Variants in RTKN2 observed in about 807,000 individuals in gnomAD.
RTKN2 encodes rhotekin 2, also known as rhotekin-2.
In RTKN2, 69 loss-of-function variants were observed where a neutral mutation model predicts 71.5. That is an observed-to-expected ratio of 0.96 (90% CI 0.79 to 1.18). The LOEUF (loss-of-function observed/expected upper bound fraction) is 1.18, where lower values mean the gene tolerates loss of function less well. RTKN2 is among the 50% of genes most tolerant of loss of function. The probability of loss-of-function intolerance (pLI) is 0.00; values close to 1 mark genes in which losing one functional copy is unlikely to be tolerated. For synonymous variants in RTKN2, 236 were observed against 236.5 expected (o/e 1.00, Z 0.02); for missense variants, 724 against 719.7 (o/e 1.01, Z -0.07).
chr10:62,190,731 G>C (rs1457426259), downstream of RTKN2, among the ~76,000 whole-genome samples: 2 of 152,128 alleles, frequency 1.3e-5, no homozygotes, highest in African/African-American at 2.4e-5. Flanking sequence ...GCCAGGGGCT[G>C]AGTGCTCATT....
chr10:62,244,484 CTG>C (rs796967202), intron 3 of RTKN2, among the ~76,000 whole-genome samples: 6 of 152,186 alleles, frequency 3.9e-5, no homozygotes, highest in African/African-American at 7.2e-5. Flanking sequence ...AATCAATAAA[CTG>C]TTATGAAATG....
chr10:62,215,860 C>A (rs1157718567), intron 9 of RTKN2, among the ~76,000 whole-genome samples: 1 of 151,472 alleles, frequency 6.6e-6, no homozygotes, highest in African/African-American at 2.4e-5. Context: ...AAAAAGTTGG[C>A]AAGTAATGAA....
intron 9 of RTKN2, among the ~76,000 whole-genome samples, chr10:62,211,159 A>T (rs1341073426): frequency 6.6e-6 from 1 of 152,210 alleles, no homozygotes; most frequent in African/African-American, 2.4e-5. Context: ...GCTTTAGTTA[A>T]CAAAATGCTT....
intron 2 of RTKN2, among the ~76,000 whole-genome samples, chr10:62,252,637 C>G (rs1842602914): frequency 6.7e-6 from 1 of 149,638 alleles, no homozygotes; most frequent in African/African-American, 2.5e-5. Context: ...AGGGGAAATA[C>G]AATAAGCTCA....
rs1191368760 is a variant in RTKN2, at chr10:62,217,252, G to A, written c.889-3C>T. 1.2e-4 allele frequency: 158 copies of A among 1,288,000 alleles called. No individual in the cohort carries two copies. The highest frequency in any genetic ancestry group is 3.6e-4 in the South Asian group (22 of 60,484). 79.8% of individuals were successfully genotyped at this position (1,288,000 alleles called of 1,614,324 possible). On this transcript the variant is annotated splice_polypyrimidine_tract_variant and splice_region_variant and intron_variant, in intron 8 of 11. Transcript: ENST00000373789. ...CTAATCAGACCTTCTACCATTTGCT[G>A]AAAAAAAAAAAAAAAAAATCAAGAG... is the stretch of plus-strand genomic sequence containing the variant.
chr10:62,247,380 T>A (rs1174124420), intron 2 of RTKN2, among the ~76,000 whole-genome samples: 2 of 151,974 alleles, frequency 1.3e-5, no homozygotes, highest in Non-Finnish European at 2.9e-5. Context: ...TACGTTTATA[T>A]GAGATATTTA....
In RTKN2 at chr10:62,195,900, A is replaced by G. The variant is rs1841321526; in HGVS notation, c.*2008T>C. Reference sequence around the variant, plus strand: ...TGTTTCAAAGTTCTACTCTGAGGGCACAACTGCTAGGTAATTTCTGTATGA... The same window carrying G: ...TGTTTCAAAGTTCTACTCTGAGGGCGCAACTGCTAGGTAATTTCTGTATGA... On this transcript the variant is annotated 3_prime_UTR_variant, in exon 12 of 12. Coordinates refer to ENST00000373789, the MANE Select transcript of RTKN2 (RefSeq NM_145307.4). The G allele has an allele frequency of 1.0e-6, 1 of 985,268 alleles. No individual in the cohort carries two copies. The highest frequency in any genetic ancestry group is 1.2e-6 in the Non-Finnish European group (1 of 829,808). 61.0% of individuals were successfully genotyped at this position (985,268 alleles called of 1,614,324 possible).
At chr10:62,225,624 C>G (rs1545020) in intron 6 of RTKN2, among the ~76,000 whole-genome samples, 28,239 of 152,072 alleles carry the variant, frequency 0.19, 2,927 homozygotes, top group African/African-American at 0.27. Context: ...GACTTCATTA[C>G]ACTCATTCCA....
At chr10:62,187,744 G>A (rs566625684) in intron 8 of RTKN2, among the ~76,000 whole-genome samples, 5 of 152,240 alleles carry the variant, frequency 3.3e-5, no homozygotes, top group East Asian at 1.9e-4. Flanking sequence ...TGAACTTAAC[G>A]TGTAGTGGTG....
chr10:62,211,774 CCTTA>C (rs10617828), intron 9 of RTKN2, among the ~76,000 whole-genome samples: 128,345 of 151,606 alleles, frequency 0.85, 54,524 homozygotes, highest in East Asian at 1. Flanking sequence ...AATTATCCTG[CCTTA>C]CTTAGCCTCC....
intron 6 of RTKN2, among the ~76,000 whole-genome samples, chr10:62,235,601 CTTTGT>C (rs1205128236): frequency 2.6e-5 from 4 of 151,846 alleles, no homozygotes; most frequent in African/African-American, 9.7e-5. Context: ...TCAGTCAAAA[CTTTGT>C]TTTATGAACA....
At chr10:62,243,245 T>G (rs959733823) in intron 3 of RTKN2, among the ~76,000 whole-genome samples, 9 of 151,372 alleles carry the variant, frequency 5.9e-5, no homozygotes, top group Non-Finnish European at 1.2e-4. Context: ...TCATCTTTTA[T>G]TCTTATTATT....
chr10:62,221,699 G>A (rs559041173), intron 7 of RTKN2, among the ~76,000 whole-genome samples: 98 of 152,228 alleles, frequency 6.4e-4, no homozygotes, highest in Non-Finnish European at 1.0e-3. Context: ...ACCTCTTGTA[G>A]TAATATGAAG....
intron 10 of RTKN2, among the ~76,000 whole-genome samples, chr10:62,202,255 A>G (rs555379489): frequency 6.6e-6 from 1 of 152,222 alleles, no homozygotes; most frequent in African/African-American, 2.4e-5. Flanking sequence ...TGGGCTAAAC[A>G]GATCTACTTC....
chr10:62,239,343 T>C (rs1842323449), intron 5 of RTKN2: 2 of 196,148 alleles, frequency 1.0e-5, no homozygotes, highest in Non-Finnish European at 2.1e-5. Context: ...TTCTGTTGTA[T>C]GCATAGCTTT....
intron 9 of RTKN2, among the ~76,000 whole-genome samples, chr10:62,215,252 T>G (rs1841744970): frequency 6.6e-6 from 1 of 152,038 alleles, no homozygotes; most frequent in African/African-American, 2.4e-5. Flanking sequence ...TTTACCAAAA[T>G]TATTTAAGCT....
chr10:62,236,555 A>G (rs189520327), intron 5 of RTKN2, among the ~76,000 whole-genome samples: 1 of 152,050 alleles, frequency 6.6e-6, no homozygotes, highest in East Asian at 1.9e-4. Flanking sequence ...AAACTACTAC[A>G]TGATCCAGCA....
At chr10:62,209,345 C>A (rs942025552) in intron 9 of RTKN2, among the ~76,000 whole-genome samples, 2 of 151,836 alleles carry the variant, frequency 1.3e-5, no homozygotes, top group Non-Finnish European at 1.5e-5. Flanking sequence ...AAAAACCCTG[C>A]AGGATAAAAG....
Position 62,194,949 on chromosome 10 carries a change from A to G in RTKN2, c.*2959T>C, listed in dbSNP as rs1841292314. 1.0e-6 allele frequency: 1 copy of G among 985,444 alleles called. No homozygotes were observed. Among genetic ancestry groups the G allele is most frequent in the Non-Finnish European group, 1.2e-6 (1 of 829,936 alleles). The allele number at this position is 985,444 out of a possible 1,614,324, so 61.0% of individuals were successfully genotyped here. ...CACTGCAGACAGTTAAGGAGGATTT[A>G]ACAAAACTCAGCAAGAGTTGGCACG... On this transcript the variant is annotated 3_prime_UTR_variant, in exon 12 of 12. Coordinates refer to ENST00000373789, the MANE Select transcript of RTKN2 (RefSeq NM_145307.4).
Sources: allele counts gnomAD v4.1 joint callset (sites outside exome capture counted in the v4.1 genomes callset), GRCh38; gene constraint gnomAD v4.1.1; transcripts MANE v1.5; gene names NCBI Gene and HGNC (gene_info 2026-07-23, HGNC 2026-07-21).